Variants in ZNF90 observed in about 807,000 individuals in gnomAD.
ZNF90 encodes the protein zinc finger protein HTF9.
Under a neutral mutation model 12.0 loss-of-function variants are expected in ZNF90, and 11 were observed. The observed-to-expected ratio is 0.92, with a 90% CI of 0.58 to 1.52. The LOEUF (loss-of-function observed/expected upper bound fraction) is 1.52, where lower values mean the gene tolerates loss of function less well. ZNF90 is among the 40% of genes most tolerant of loss of function. The probability of loss-of-function intolerance (pLI) is 0.00; values close to 1 mark genes in which losing one functional copy is unlikely to be tolerated. For missense variants in ZNF90, 765 were observed against 711.5 expected (o/e 1.08, Z -0.86); for synonymous variants, 232 against 240.1 (o/e 0.97, Z 0.31).
chr19:20,118,650 G>T lies in ZNF90; in HGVS notation c.1096G>T (p.Glu366Ter). The T allele has an allele frequency of 6.4e-7, 1 of 1,568,580 alleles. No individual in the cohort carries two copies. Among genetic ancestry groups the T allele is most frequent in the Non-Finnish European group, 8.6e-7 (1 of 1,157,722 alleles). ...LRTHKRIHTG[E>*]KPYKCDKCGK... ...TACACATAAGAGAATTCATACTGGAGAGAAACCCTACAAGTGTGATAAATG... is the reference window on the plus strand; with the variant it reads ...TACACATAAGAGAATTCATACTGGATAGAAACCCTACAAGTGTGATAAATG... The change falls in exon 4 of 4, where the codon GAG becomes TAG. Residue 366 changes from glutamate (E) to a stop codon, truncating the protein, a stop_gained. Coordinates refer to ENST00000418063, the MANE Select transcript of ZNF90 (RefSeq NM_007138.2). LOFTEE classifies it low-confidence loss of function (END_TRUNC).
In ZNF90 at chr19:20,117,952, T is replaced by G; in HGVS notation, c.398T>G (p.Leu133Arg). The G allele has an allele frequency of 6.2e-7, 1 of 1,613,540 alleles. No individual in the cohort carries two copies. Among genetic ancestry groups the G allele is most frequent in the Non-Finnish European group, 8.5e-7 (1 of 1,179,776 alleles). ...GTACACAAAAGAGGTTATAATGGAC[T>G]TAACCAATGTTTGACAGCTACCCAG... ...GKVHKRGYNGLNQCLTATQSK... is the reference protein window; with the variant it reads ...GKVHKRGYNGRNQCLTATQSK... The change falls in exon 4 of 4, where the codon CTT becomes CGT. Residue 133 changes from leucine to arginine, a missense_variant. Coordinates refer to ENST00000418063, the MANE Select transcript of ZNF90 (RefSeq NM_007138.2).
Position 20,119,249 on chromosome 19 carries a change from C to A in ZNF90, c.1695C>A (p.Tyr565Ter). Residue 565 changes from tyrosine to a stop codon, truncating the protein, a stop_gained, in exon 4 of 4, where the codon TAC becomes TAA. Transcript: ENST00000418063. LOFTEE classifies it low-confidence loss of function (END_TRUNC). ...HKISHTGEKP[Y>*]KCEECGKAFN... ...TAAGTCATACTGGAGAGAAACCCTACAAATGTGAAGAATGTGGCAAAGCTT... is the reference window on the plus strand; with the variant it reads ...TAAGTCATACTGGAGAGAAACCCTAAAAATGTGAAGAATGTGGCAAAGCTT... 6.2e-7 allele frequency: 1 copy of A among 1,613,918 alleles called. No homozygotes were observed. The highest frequency in any genetic ancestry group is 8.5e-7 in the Non-Finnish European group (1 of 1,179,952).
At chr19:20,116,167 C>T (rs1240336961) in intron 3 of ZNF90, among the ~76,000 whole-genome samples, 1 of 152,002 alleles carries the variant, frequency 6.6e-6, no homozygotes, top group Non-Finnish European at 1.5e-5. Context: ...ACCACTGTGC[C>T]CAGCATATTT....
At chr19:20,104,954 A>G (rs2089020392) in intron 2 of ZNF90, among the ~76,000 whole-genome samples, 1 of 152,198 alleles carries the variant, frequency 6.6e-6, no homozygotes, top group Admixed American at 6.5e-5. Flanking sequence ...AGATTGCACC[A>G]TTGCACACCA....
chr19:20,085,006 A>G (rs2088847591), intron 1 of ZNF90, among the ~76,000 whole-genome samples: 2 of 151,996 alleles, frequency 1.3e-5, no homozygotes, highest in Non-Finnish European at 2.9e-5. Context: ...TATGTCTAGA[A>G]TGGTATTTCC....
At position 20,118,863 on chromosome 19, in the gene ZNF90, T is replaced by C. The variant is rs1568294895; in HGVS notation, c.1309T>C (p.Ser437Pro). The C allele has an allele frequency of 6.2e-7, 1 of 1,608,226 alleles. No individual in the cohort carries two copies. Among genetic ancestry groups the C allele is most frequent in the African/African-American group, 1.3e-5 (1 of 74,422 alleles). The part of the protein sequence containing the change: ...CQECDKVFKR[S>P]SALSTHKIIH... Reference sequence around the variant, plus strand: ...AGAATGTGACAAAGTCTTCAAACGCTCCTCAGCCCTTAGCACACATAAGAT... The same window carrying C: ...AGAATGTGACAAAGTCTTCAAACGCCCCTCAGCCCTTAGCACACATAAGAT... Residue 437 changes from serine (S) to proline (P), a missense_variant, in exon 4 of 4, where the codon TCC becomes CCC. By Grantham distance (74) the Ser-to-Pro change is moderately conservative. Transcript: ENST00000418063.
chr19:20,083,988 T>A (rs2088840029), intron 1 of ZNF90, among the ~76,000 whole-genome samples: 1 of 152,114 alleles, frequency 6.6e-6, no homozygotes, highest in African/African-American at 2.4e-5. Context: ...ACTTCTAAAC[T>A]CAGGCAATCC....
chr19:20,094,458 C>G (rs566727708), intron 1 of ZNF90, among the ~76,000 whole-genome samples: 1 of 152,316 alleles, frequency 6.6e-6, no homozygotes, highest in South Asian at 2.1e-4. Flanking sequence ...GGGTTTTCAT[C>G]TTCACCTTGG....
In ZNF90 at chr19:20,119,618, A is replaced by T. The variant is rs1881027274; in HGVS notation, c.*258A>T. The T allele has an allele frequency of 5.9e-6, 2 of 341,778 alleles. No individual in the cohort carries two copies. The highest frequency in any genetic ancestry group is 1.0e-4 in the East Asian group (2 of 19,182). The allele number at this position is 341,778 out of a possible 1,614,324, so 21.2% of individuals were successfully genotyped here. ...GCAGCAAAGCCTATAACAAGTTCTCAATTCTTTTTTTTTTTTTTTAAGAAG... is the reference window on the plus strand; with the variant it reads ...GCAGCAAAGCCTATAACAAGTTCTCTATTCTTTTTTTTTTTTTTTAAGAAG... On this transcript the variant is annotated 3_prime_UTR_variant, in exon 4 of 4. Coordinates refer to ENST00000418063, the MANE Select transcript of ZNF90 (RefSeq NM_007138.2).
rs146704466 is a variant in ZNF90, at chr19:20,105,405, G to A, written c.226+89G>A. On this transcript the variant is annotated intron_variant, in intron 3 of 3. Transcript: ENST00000418063. ...AAGCCGGTCCTTAAAATGTGATTTAGGAAGCTGTGTTCCAAAGAGAATAGT... is the reference window on the plus strand; with the variant it reads ...AAGCCGGTCCTTAAAATGTGATTTAAGAAGCTGTGTTCCAAAGAGAATAGT... 669 of 1,087,752 alleles carry A rather than the reference G, an allele frequency of 6.2e-4. 3 individuals carry two copies. The highest frequency in any genetic ancestry group is 2.8e-3 in the South Asian group (199 of 70,640). 67.4% of individuals were successfully genotyped at this position (1,087,752 alleles called of 1,614,324 possible). A position where few individuals can be genotyped will look rare whatever the true frequency, so the allele number is the denominator to read the frequency against.
intron 1 of ZNF90, among the ~76,000 whole-genome samples, chr19:20,079,526 A>C (rs936461728): frequency 6.6e-6 from 1 of 152,202 alleles, no homozygotes; most frequent in African/African-American, 2.4e-5. Flanking sequence ...TATGGCTTGC[A>C]AAAACGTAGG....
chr19:20,087,598 G>C (rs886723998), intron 1 of ZNF90: 1 of 152,348 alleles, frequency 6.6e-6, no homozygotes, highest in South Asian at 2.1e-4. Context: ...GAGTGCTGCT[G>C]TGGCAAATTG....
At chr19:20,114,004 A>G (rs2089114959) in intron 3 of ZNF90, among the ~76,000 whole-genome samples, 1 of 152,144 alleles carries the variant, frequency 6.6e-6, no homozygotes, top group African/African-American at 2.4e-5. Context: ...ATAATAAAAT[A>G]TTTCTAGGCC....
chr19:20,096,722 G>A (rs2088950014), intron 1 of ZNF90, among the ~76,000 whole-genome samples: 1 of 152,082 alleles, frequency 6.6e-6, no homozygotes, highest in Non-Finnish European at 1.5e-5. Flanking sequence ...AGACCATCTG[G>A]GCATATACGT....
At chr19:20,103,213 ATG>A (rs1209365352) in intron 1 of ZNF90, among the ~76,000 whole-genome samples, 1 of 152,184 alleles carries the variant, frequency 6.6e-6, no homozygotes, top group Non-Finnish European at 1.5e-5. Flanking sequence ...GGTGGTGAGA[ATG>A]TGGAGGTCGA....
chr19:20,081,560 C>A lies in ZNF90; in HGVS notation c.3+3425C>A, dbSNP rs190702971. Among the ~76,000 whole-genome samples the A allele has an allele frequency of 3.0e-3, 462 of 152,308 alleles. 4 individuals carry two copies. Among genetic ancestry groups the A allele is most frequent in the African/African-American group, 0.011 (444 of 41,566 alleles). On this transcript the variant is annotated intron_variant, in intron 1 of 3. Coordinates refer to ENST00000418063, the MANE Select transcript of ZNF90 (RefSeq NM_007138.2). Reference sequence around the variant, plus strand: ...AAGTCTCCTGGCATATCCCCACCCCCAGACACTGAATCTGCAGCAGCAACC... The same window carrying A: ...AAGTCTCCTGGCATATCCCCACCCCAAGACACTGAATCTGCAGCAGCAACC...
chr19:20,086,279 G>A (rs1466632514), intron 1 of ZNF90, among the ~76,000 whole-genome samples: 2 of 138,888 alleles, frequency 1.4e-5, no homozygotes, highest in Non-Finnish European at 3.0e-5. Context: ...CTCTTGCCCA[G>A]GCTGGAGTTC....
intron 1 of ZNF90, among the ~76,000 whole-genome samples, chr19:20,098,500 C>G (rs1743229872): frequency 6.6e-6 from 1 of 152,186 alleles, no homozygotes; most frequent in Non-Finnish European, 1.5e-5. Context: ...ATATCCAGAG[C>G]CATGACCACA....
At chr19:20,117,013 T>TTGTGTGTGTGTGTG (rs371655051) in intron 3 of ZNF90, among the ~76,000 whole-genome samples, 246 of 128,660 alleles carry the variant, frequency 1.9e-3, no homozygotes, top group African/African-American at 7.7e-3. Flanking sequence ...CAACTTACAT[T>TTGTGTGTGTGTGTG]TGTGTGTGTG....
Sources: gnomAD v4.1 joint callset for allele counts (sites outside exome capture counted in the v4.1 genomes callset) on GRCh38, gnomAD v4.1.1 for gene constraint, MANE v1.5 for transcripts, NCBI Gene and HGNC (gene_info 2026-07-23, HGNC 2026-07-21) for gene names.